The following KCNQ5 variants were observed in gnomAD, a reference collection of about 807,000 sequenced individuals.
The protein encoded by KCNQ5 is potassium voltage-gated channel subfamily Q member 5.
In KCNQ5, 30 loss-of-function variants were observed where a neutral mutation model predicts 98.2. The observed-to-expected ratio is 0.31, with a 90% CI of 0.23 to 0.41. KCNQ5 has a LOEUF of 0.41. Among genes scored for constraint, KCNQ5 ranks in the 10% least tolerant of loss-of-function variants. The pLI is 1.00. For missense variants in KCNQ5, 835 were observed against 1,182.5 expected (o/e 0.71, Z 4.31); for synonymous variants, 458 against 449.4 (o/e 1.02, Z -0.24).
chr6:72,641,352 T>C (rs2098927090), intron 1 of KCNQ5, among the ~76,000 whole-genome samples: 2 of 152,148 alleles, frequency 1.3e-5, no homozygotes, highest in South Asian at 4.1e-4. Flanking sequence ...CACAATTTCA[T>C]TACACTTGGT....
intron 1 of KCNQ5, among the ~76,000 whole-genome samples, chr6:72,690,306 G>T (rs769854540): frequency 6.6e-6 from 1 of 152,036 alleles, no homozygotes; most frequent in Non-Finnish European, 1.5e-5. Flanking sequence ...ATCAAACATA[G>T]TTGCTGTCCT....
At chr6:72,717,318 C>T (rs1769695662) in intron 1 of KCNQ5, among the ~76,000 whole-genome samples, 1 of 152,028 alleles carries the variant, frequency 6.6e-6, no homozygotes. Flanking sequence ...ATGTTCCCAC[C>T]ATAAAGAAAT....
At chr6:72,781,059 C>T (rs1017369689) in intron 1 of KCNQ5, among the ~76,000 whole-genome samples, 1 of 152,076 alleles carries the variant, frequency 6.6e-6, no homozygotes, top group African/African-American at 2.4e-5. Flanking sequence ...TGCAGAATCT[C>T]GGAATGTGAT....
chr6:73,146,626 CAAAAAAAAA>C (rs58798764), intron 10 of KCNQ5, among the ~76,000 whole-genome samples: 14 of 28,466 alleles, frequency 4.9e-4, no homozygotes, highest in Non-Finnish European at 7.3e-4. Flanking sequence ...GTCCCTGTCT[CAAAAAAAAA>C]AAAAAAAAAA....
chr6:72,639,845 G>T (rs1369914671), intron 1 of KCNQ5, among the ~76,000 whole-genome samples: 2 of 151,978 alleles, frequency 1.3e-5, no homozygotes, highest in African/African-American at 4.8e-5. Flanking sequence ...CTGGAGGTCT[G>T]TACAAATAAA....
intron 1 of KCNQ5, among the ~76,000 whole-genome samples, chr6:72,969,094 T>C (rs975454590): frequency 6.6e-6 from 1 of 152,218 alleles, no homozygotes; most frequent in African/African-American, 2.4e-5. Context: ...TTTTAAAGTA[T>C]ATTTATTTTA....
chr6:72,712,953 G>T (rs371561180), intron 1 of KCNQ5, among the ~76,000 whole-genome samples: 1 of 152,066 alleles, frequency 6.6e-6, no homozygotes, highest in Non-Finnish European at 1.5e-5. Flanking sequence ...GATAATCTAC[G>T]TGGCAACAAA....
chr6:73,163,387 C>T (rs942829224), intron 10 of KCNQ5, among the ~76,000 whole-genome samples: 35 of 152,150 alleles, frequency 2.3e-4, no homozygotes, highest in Middle Eastern at 3.2e-3. Flanking sequence ...CAGAGGGAGA[C>T]GCTGTCTCAA....
At chr6:73,175,998 C>G (rs923947250) in intron 11 of KCNQ5, among the ~76,000 whole-genome samples, 1 of 152,094 alleles carries the variant, frequency 6.6e-6, no homozygotes, top group Non-Finnish European at 1.5e-5. Context: ...GTGAAGGTGG[C>G]ATTAGAAAGC....
At chr6:73,121,654 A>T (rs1775756772) in intron 8 of KCNQ5, among the ~76,000 whole-genome samples, 1 of 152,210 alleles carries the variant, frequency 6.6e-6, no homozygotes, top group Admixed American at 6.5e-5. Context: ...ACTCACAAAA[A>T]ACCACCTGTT....
At chr6:72,993,991 C>T (rs1769149920) in intron 1 of KCNQ5, among the ~76,000 whole-genome samples, 1 of 82,398 alleles carries the variant, frequency 1.2e-5, no homozygotes, top group Admixed American at 1.4e-4. Context: ...GGGTCAGGGA[C>T]CCACTTGAGG....
chr6:72,870,714 T>G (rs377368468), intron 1 of KCNQ5, among the ~76,000 whole-genome samples: 6 of 152,228 alleles, frequency 3.9e-5, no homozygotes, highest in Non-Finnish European at 8.8e-5. Flanking sequence ...AATTACTTAT[T>G]TGAATGCCTA....
chr6:72,692,554 A>T (rs1337772455), intron 1 of KCNQ5, among the ~76,000 whole-genome samples: 1 of 152,228 alleles, frequency 6.6e-6, no homozygotes, highest in Non-Finnish European at 1.5e-5. Flanking sequence ...CTCTGCAAAT[A>T]CATTTCTTGT....
rs1582399937 is a variant in KCNQ5 at position 72,845,383 on chromosome 6, A to G, written c.399-158525A>G. Among the ~76,000 whole-genome samples the G allele has an allele frequency of 2.0e-5, 3 of 152,214 alleles. No individual in the cohort carries two copies. The South Asian group carries it at 6.2e-4, about 32-fold the overall frequency. ...AAACAGTAGAAGAGATCTTTTTAGA[A>G]CACCATCTCACTTATACCTTGATCC... On this transcript the variant is annotated intron_variant, in intron 1 of 13. Transcript: ENST00000370398.
chr6:72,784,149 G>A (rs1326408087), intron 1 of KCNQ5, among the ~76,000 whole-genome samples: 2 of 152,154 alleles, frequency 1.3e-5, no homozygotes, highest in Admixed American at 6.5e-5. Context: ...TACACATTCA[G>A]CCAAGTGCTG....
At chr6:73,077,088 G>A (rs961850610) in intron 3 of KCNQ5, among the ~76,000 whole-genome samples, 2 of 152,136 alleles carry the variant, frequency 1.3e-5, no homozygotes, top group African/African-American at 2.4e-5. Flanking sequence ...TAGGTAAAGC[G>A]CAGAATGGCC....
chr6:72,738,169 G>A (rs1025885973), intron 1 of KCNQ5, among the ~76,000 whole-genome samples: 3 of 151,542 alleles, frequency 2.0e-5, no homozygotes, highest in Non-Finnish European at 4.4e-5. Flanking sequence ...AAAAAAATTT[G>A]TTACTTATGG....
intron 1 of KCNQ5, among the ~76,000 whole-genome samples, chr6:72,666,596 A>G (rs1766828069): frequency 6.6e-6 from 1 of 152,148 alleles, no homozygotes; most frequent in Non-Finnish European, 1.5e-5. Flanking sequence ...ATTATACCTA[A>G]TGGCTAATTT....
rs552460395 is a variant in KCNQ5 at position 73,167,935 on chromosome 6, T to C, written c.1469-1811T>C. Among the ~76,000 whole-genome samples, 12 of 152,268 alleles carry C rather than the reference T, an allele frequency of 7.9e-5. No homozygotes were observed. In the South Asian group the frequency reaches 2.3e-3, roughly 29 times the overall value. On this transcript the variant is annotated intron_variant, in intron 10 of 13. Coordinates refer to ENST00000370398, the MANE Select transcript of KCNQ5 (RefSeq NM_019842.4). ...CTAAAGTTCCCACATCTTAATACTA[T>C]CACACTGGTGATTAAGTTTCAACAT...
Sources: gnomAD v4.1 joint callset for allele counts (sites outside exome capture counted in the v4.1 genomes callset) on GRCh38, gnomAD v4.1.1 for gene constraint, MANE v1.5 for transcripts, NCBI Gene and HGNC (gene_info 2026-07-23, HGNC 2026-07-21) for gene names.